The following SLC49A4 variants were observed in gnomAD, a reference collection of about 807,000 sequenced individuals.
The protein encoded by SLC49A4 is disrupted in renal cancer protein 2.
Under a neutral mutation model 50.6 loss-of-function variants are expected in SLC49A4, and 36 were observed. That is an observed-to-expected ratio of 0.71 (90% confidence interval 0.55 to 0.94). The LOEUF is 0.94. Ranked by LOEUF, SLC49A4 falls within the 40% of genes least tolerant of loss-of-function variation. SLC49A4 has a pLI of 0.00. For missense variants in SLC49A4, 503 were observed against 605.7 expected (o/e 0.83, Z 1.78); for synonymous variants, 248 against 241.2 (o/e 1.03, Z -0.26).
chr3:122,810,468 A>G (rs934356346), intron 2 of SLC49A4, among the ~76,000 whole-genome samples: 3 of 152,202 alleles, frequency 2.0e-5, no homozygotes, highest in Non-Finnish European at 4.4e-5. Context: ...ATATTATTAT[A>G]TTGCTTTCCC....
intron 1 of SLC49A4, among the ~76,000 whole-genome samples, chr3:122,798,583 C>T (rs1453803009): frequency 6.7e-6 from 1 of 149,406 alleles, no homozygotes; most frequent in South Asian, 2.1e-4. Context: ...CATCTACGCA[C>T]GTAGAAAGCA....
At chr3:122,810,982 G>A (rs112793686) in intron 2 of SLC49A4, among the ~76,000 whole-genome samples, 41 of 152,250 alleles carry the variant, frequency 2.7e-4, no homozygotes, top group African/African-American at 9.6e-4. Flanking sequence ...AAAAGTATTA[G>A]AACATGACTG....
chr3:122,843,645 G>A (rs1452264360), intron 4 of SLC49A4, among the ~76,000 whole-genome samples: 1 of 152,084 alleles, frequency 6.6e-6, no homozygotes, highest in Non-Finnish European at 1.5e-5. Flanking sequence ...ATGGCTCTTT[G>A]TTTCTTATAA....
Position 122,853,351 on chromosome 3 carries a change from CA to C in SLC49A4, c.943-2955del, listed in dbSNP as rs778701002. 7.9e-5 allele frequency among the ~76,000 whole-genome samples: 12 copies of C among 152,310 alleles called. 2 individuals carry two copies. Among genetic ancestry groups the C allele is most frequent in the Admixed American group, 6.5e-5 (1 of 15,302 alleles). ...GACACCAACATTCAGACCATAGCAG[CA>C]CCTTTACTATAATAAGAAAGGCTTC... On this transcript the variant is annotated intron_variant, in intron 5 of 8. Transcript: ENST00000261038.
rs1477394325 is a variant in SLC49A4 at position 122,828,826 on chromosome 3, A to G, written c.703+1761A>G. Among the ~76,000 whole-genome samples, 55 of 152,210 alleles carry G rather than the reference A, an allele frequency of 3.6e-4. 2 individuals are homozygous for G. The highest frequency in any genetic ancestry group is 3.5e-3 in the Admixed American group (53 of 15,274). On this transcript the variant is annotated intron_variant, in intron 3 of 8. Coordinates refer to ENST00000261038, the MANE Select transcript of SLC49A4 (RefSeq NM_032839.3). ...GAACGCAGGTGAAACATAAGTTTTA[A>G]ACTTTATTTTGGTCATGTTATTATT...
chr3:122,854,647 C>T (rs1936962930), intron 5 of SLC49A4, among the ~76,000 whole-genome samples: 1 of 152,228 alleles, frequency 6.6e-6, no homozygotes, highest in Admixed American at 6.5e-5. Flanking sequence ...AGGTGGCACA[C>T]TTCACTTATG....
At chr3:122,871,332 AT>A (rs1037343905) in intron 7 of SLC49A4, among the ~76,000 whole-genome samples, 9 of 149,440 alleles carry the variant, frequency 6.0e-5, no homozygotes, top group Non-Finnish European at 6.0e-5. Flanking sequence ...GTGTACTATT[AT>A]TTTTTTTTTA....
chr3:122,866,026 GT>G (rs1164241053), intron 7 of SLC49A4, among the ~76,000 whole-genome samples: 1 of 151,846 alleles, frequency 6.6e-6, no homozygotes, highest in Non-Finnish European at 1.5e-5. Context: ...GCACCTACAA[GT>G]TTTTTGTTTA....
At chr3:122,840,208 T>C (rs1274632428) in intron 4 of SLC49A4, among the ~76,000 whole-genome samples, 1 of 152,144 alleles carries the variant, frequency 6.6e-6, no homozygotes, top group Non-Finnish European at 1.5e-5. Flanking sequence ...GACAGAGTGG[T>C]ATAGTGGACT....
rs190758293 is a variant in SLC49A4 at position 122,850,724 on chromosome 3, T to C, written c.942+4853T>C. On this transcript the variant is annotated intron_variant, in intron 5 of 8. Coordinates refer to ENST00000261038, the MANE Select transcript of SLC49A4 (RefSeq NM_032839.3). ...AGTCTCTATGTTTCCCAGGCTGGTC[T>C]GGAACTCCTGAGCTCAAACAATCCT... Among the ~76,000 whole-genome samples, 480 of 152,314 alleles carry C rather than the reference T, an allele frequency of 3.2e-3. 1 individual carries two copies. The highest frequency in any genetic ancestry group is 5.6e-3 in the Non-Finnish European group (378 of 68,010).
chr3:122,879,435 C>A lies in SLC49A4; in HGVS notation c.*57C>A. The A allele has an allele frequency of 7.7e-7, 1 of 1,298,502 alleles. No homozygotes were observed. The highest frequency in any genetic ancestry group is 1.1e-6 in the Non-Finnish European group (1 of 912,504). 80.4% of individuals were successfully genotyped at this position (1,298,502 alleles called of 1,614,324 possible). A position where few individuals can be genotyped will look rare whatever the true frequency, so the allele number is the denominator to read the frequency against. On this transcript the variant is annotated 3_prime_UTR_variant, in exon 9 of 9. Transcript: ENST00000261038. ...CTGGAAATCAATACTGCACACTGCA[C>A]ATTTGCTCAGAATTGCACATCTAAC...
rs78835761 is a variant in SLC49A4, at chr3:122,817,452, A to G, written c.438-9348A>G. On this transcript the variant is annotated intron_variant, in intron 2 of 8. Coordinates refer to ENST00000261038, the MANE Select transcript of SLC49A4 (RefSeq NM_032839.3). The stretch of plus-strand genomic sequence containing the variant: ...GACTTCTGATTTATGGAACTGTAAG[A>G]TGACGCGTATGTATTATTTTAACCA... Among the ~76,000 whole-genome samples, 36 of 152,280 alleles carry G rather than the reference A, an allele frequency of 2.4e-4. No individual in the cohort carries two copies. In the East Asian group the frequency reaches 4.0e-3, roughly 17 times the overall value.
At chr3:122,852,115 C>T (rs1241768045) in intron 5 of SLC49A4, among the ~76,000 whole-genome samples, 1 of 151,962 alleles carries the variant, frequency 6.6e-6, no homozygotes, top group African/African-American at 2.4e-5. Flanking sequence ...CCTCAGCCTC[C>T]CCAGTAGCTG....
At chr3:122,820,996 C>G (rs1049275963) in intron 2 of SLC49A4, among the ~76,000 whole-genome samples, 1 of 152,192 alleles carries the variant, frequency 6.6e-6, no homozygotes, top group Non-Finnish European at 1.5e-5. Flanking sequence ...GTAATTGAAT[C>G]GGGGGTGGTT....
intron 7 of SLC49A4, among the ~76,000 whole-genome samples, chr3:122,867,592 A>G (rs564565939): frequency 1.4e-4 from 21 of 152,358 alleles, no homozygotes; most frequent in African/African-American, 5.1e-4. Flanking sequence ...TGTCTTGAGA[A>G]TCTCGTTAGA....
chr3:122,840,849 A>G (rs1183749996), intron 4 of SLC49A4, among the ~76,000 whole-genome samples: 1 of 152,202 alleles, frequency 6.6e-6, no homozygotes, highest in Non-Finnish European at 1.5e-5. Flanking sequence ...TTTTGAATCA[A>G]CAGATATTTG....
intron 1 of SLC49A4, among the ~76,000 whole-genome samples, chr3:122,805,873 A>G (rs545155541): frequency 6.6e-6 from 1 of 152,342 alleles, no homozygotes; most frequent in South Asian, 2.1e-4. Flanking sequence ...ATACAAGGGG[A>G]AAAAACTATG....
chr3:122,838,910 A>G (rs1939562600), intron 4 of SLC49A4, among the ~76,000 whole-genome samples: 1 of 152,112 alleles, frequency 6.6e-6, no homozygotes, highest in South Asian at 2.1e-4. Flanking sequence ...TATGTAACCA[A>G]AAAAGAGTCC....
At chr3:122,801,860 G>C (rs1194515730) in intron 1 of SLC49A4, among the ~76,000 whole-genome samples, 1 of 152,188 alleles carries the variant, frequency 6.6e-6, no homozygotes, top group African/African-American at 2.4e-5. Flanking sequence ...CCTGGAGGCA[G>C]GTGTGTGGTG....
Sources: allele counts gnomAD v4.1 joint callset (sites outside exome capture counted in the v4.1 genomes callset), GRCh38; gene constraint gnomAD v4.1.1; transcripts MANE v1.5; gene names NCBI Gene and HGNC (gene_info 2026-07-23, HGNC 2026-07-21).